MAPK6: variants seen among roughly 807,000 people sequenced by gnomAD.
The protein encoded by MAPK6 is ERK-3.
A neutral mutation model predicts 59.3 loss-of-function variants in MAPK6; 19 were observed. The observed-to-expected ratio is 0.32, with a 90% CI of 0.22 to 0.47. The LOEUF is 0.47. MAPK6 is among the 20% of genes least tolerant of loss of function. The pLI, the probability that MAPK6 is intolerant of heterozygous loss-of-function variation, is 1.00. For synonymous variants in MAPK6, 316 were observed against 290.3 expected (o/e 1.09, Z -0.90); for missense variants, 724 against 847.9 (o/e 0.85, Z 1.81).
intron 1 of MAPK6, among the ~76,000 whole-genome samples, chr15:52,030,737 C>G (rs941889865): frequency 1.4e-5 from 2 of 145,722 alleles, no homozygotes; most frequent in Admixed American, 7.3e-5. Flanking sequence ...AGGGATTCTC[C>G]TGCCTCAGCC....
chr15:52,013,011 AAAAAAAAAAATATATATATATATATATAT>A (rs1257125761), intron 3 of MAPK6, among the ~76,000 whole-genome samples: 2 of 29,382 alleles, frequency 6.8e-5, no homozygotes, highest in African/African-American at 2.8e-4. Flanking sequence ...AAAAAAAAAA[AAAAAAAAAAATATATATATATATATATAT>A]ATATATATAT....
rs146649911 is a variant in MAPK6 at position 52,009,800 on chromosome 15, T to G, written c.-632+5398T>G. ...TTTTTTTTCTTTTTTTGAGACAGAG[T>G]CTTGCTCTGTCGCCCAGGCTAGAGT... On this transcript the variant is annotated intron_variant, in intron 3 of 7. Coordinates refer to the MAPK6 transcript ENST00000691380. Among the ~76,000 whole-genome samples, 423 of 152,086 alleles carry G rather than the reference T, an allele frequency of 2.8e-3. 2 individuals carry two copies. The highest frequency in any genetic ancestry group is 9.8e-3 in the African/African-American group (406 of 41,496).
In MAPK6 at chr15:52,063,948, A is replaced by G; in HGVS notation, c.1114A>G (p.Asn372Asp). The G allele has an allele frequency of 6.3e-7, 1 of 1,599,894 alleles. No individual in the cohort carries two copies. The highest frequency in any genetic ancestry group is 8.5e-7 in the Non-Finnish European group (1 of 1,173,292). ...FSEHDWPVHNNFDIDEVQLDP... is the reference protein window; with the variant it reads ...FSEHDWPVHNDFDIDEVQLDP... ...AGAGCATGATTGGCCTGTACATAACAACTTTGATATTGATGAAGTTCAGCT... is the reference window on the plus strand; with the variant it reads ...AGAGCATGATTGGCCTGTACATAACGACTTTGATATTGATGAAGTTCAGCT... The change falls in exon 6 of 6, where the codon AAC (asparagine) becomes GAC (aspartate). Residue 372 changes from asparagine to aspartate, a missense_variant. This residue lies in a region of MAPK6 where 502 missense variants were observed against 507.6 expected (regional missense o/e 0.99). Transcript: ENST00000261845.
chr15:51,976,800 G>A (rs573205141), intron 1 of MAPK6, among the ~76,000 whole-genome samples: 55 of 151,448 alleles, frequency 3.6e-4, no homozygotes, highest in Non-Finnish European at 5.0e-4. Flanking sequence ...AAAATTAGCC[G>A]GGCTTGGCGG....
At chr15:51,997,841 G>A (rs540015528) in intron 2 of MAPK6, among the ~76,000 whole-genome samples, 124 of 151,684 alleles carry the variant, frequency 8.2e-4, no homozygotes, top group Non-Finnish European at 1.5e-3. Flanking sequence ...ATCCACCCAC[G>A]TCAGCCTCCC....
intron 3 of MAPK6, among the ~76,000 whole-genome samples, chr15:52,010,749 C>T (rs563023307): frequency 2.0e-5 from 3 of 152,228 alleles, no homozygotes; most frequent in African/African-American, 7.2e-5. Flanking sequence ...AAACTCCTGA[C>T]CTCAAGTGAT....
chr15:52,018,855 A>G (rs1351498940), upstream of MAPK6: 1 of 152,516 alleles, frequency 6.6e-6, no homozygotes, highest in Non-Finnish European at 1.5e-5. Context: ...CAGCCAATCC[A>G]TCTTAAGGTC....
Position 52,046,938 on chromosome 15 carries a change from A to T in MAPK6, c.478A>T (p.Ile160Phe). The change falls in exon 2 of 6, where the codon ATT (isoleucine) becomes TTT (phenylalanine). Residue 160 changes from isoleucine (I) to phenylalanine (F), a missense_variant. This residue lies in a region of MAPK6 where 105 missense variants were observed against 191.9 expected (regional missense o/e 0.55). Transcript: ENST00000261845. ...HRDLKPANLFINTEDLVLKIG... is the reference protein window; with the variant it reads ...HRDLKPANLFFNTEDLVLKIG... Reference sequence around the variant, plus strand: ...AGATCTCAAACCAGCTAATCTTTTCATTAATACGGAAGACTTGGTGCTGAA... The same window carrying T: ...AGATCTCAAACCAGCTAATCTTTTCTTTAATACGGAAGACTTGGTGCTGAA... 2.5e-6 allele frequency: 4 copies of T among 1,613,368 alleles called. No individual in the cohort carries two copies. Among genetic ancestry groups the T allele is most frequent in the Non-Finnish European group, 2.5e-6 (3 of 1,179,682 alleles).
At chr15:51,990,686 C>G (rs989377758) in intron 2 of MAPK6, among the ~76,000 whole-genome samples, 1 of 152,170 alleles carries the variant, frequency 6.6e-6, no homozygotes. Context: ...CGCAGTGGCT[C>G]ACGCCTGTAA....
At position 52,013,010 on chromosome 15, in the gene MAPK6, AAAAAAAAAAAATATATATATATATAT is replaced by A. The variant is rs1566898778; in HGVS notation, c.-632+8610_-632+8635del. Among the ~76,000 whole-genome samples, 5 of 21,126 alleles carry A rather than the reference AAAAAAAAAAAATATATATATATATAT, an allele frequency of 2.4e-4. No individual in the cohort carries two copies. The South Asian group carries it at 4.1e-3, about 17-fold the overall frequency. The allele number at this position is 21,126 out of a possible 152,430, so 13.9% of individuals were successfully genotyped here. A position where few individuals can be genotyped will look rare whatever the true frequency, so the allele number is the denominator to read the frequency against. ...TGGAAAAAAAAAAAAAAAAAAAAAA[AAAAAAAAAAAATATATATATATATAT>A]ATATATATATATATATATATATATT... On this transcript the variant is annotated intron_variant, in intron 3 of 7. Transcript: ENST00000691380.
At chr15:52,053,867 G>C (rs1037217856) in intron 3 of MAPK6, among the ~76,000 whole-genome samples, 7 of 151,530 alleles carry the variant, frequency 4.6e-5, no homozygotes, top group Non-Finnish European at 8.9e-5. Context: ...TCGAACTCCT[G>C]ACCTCATGAT....
intron 1 of MAPK6, among the ~76,000 whole-genome samples, chr15:52,026,794 G>T (rs1488116845): frequency 1.3e-5 from 2 of 151,468 alleles, no homozygotes; most frequent in Non-Finnish European, 2.9e-5. Flanking sequence ...GCTCATGCCT[G>T]TAATCTCAGC....
At chr15:52,010,497 G>A (rs576160912) in intron 3 of MAPK6, among the ~76,000 whole-genome samples, 49 of 145,292 alleles carry the variant, frequency 3.4e-4, no homozygotes, top group South Asian at 2.7e-3. Context: ...TTACAGGCAT[G>A]AGCCATTGCA....
intron 2 of MAPK6, among the ~76,000 whole-genome samples, chr15:52,000,233 C>G (rs958201154): frequency 2.6e-5 from 4 of 152,198 alleles, no homozygotes; most frequent in African/African-American, 4.8e-5. Context: ...GCCACTGTAC[C>G]TGGCCTCGTT....
chr15:52,066,565 AC>A lies in MAPK6; in HGVS notation c.*1567del, dbSNP rs1311548951. On this transcript the variant is annotated 3_prime_UTR_variant, in exon 6 of 6. Coordinates refer to ENST00000261845, the MANE Select transcript of MAPK6 (RefSeq NM_002748.4). ...ATCCAGCTACAAAACCATCCTCTTC[AC>A]CTCACTTTTCTTTCATCCTTGTTTT... is the stretch of plus-strand genomic sequence containing the variant. 3 of 151,610 alleles carry A rather than the reference AC, an allele frequency of 2.0e-5. No individual in the cohort carries two copies. The East Asian group carries it at 5.8e-4, about 29-fold the overall frequency. The allele number at this position is 151,610 out of a possible 1,614,324, so 9.4% of individuals were successfully genotyped here. A position where few individuals can be genotyped will look rare whatever the true frequency, so the allele number is the denominator to read the frequency against.
At chr15:52,041,767 G>A (rs2031425524) in intron 1 of MAPK6, among the ~76,000 whole-genome samples, 1 of 152,172 alleles carries the variant, frequency 6.6e-6, no homozygotes, top group African/African-American at 2.4e-5. Context: ...AGAGGCCTCT[G>A]CCTTTTTTAT....
chr15:52,013,043 ATATATATATATATAT>A, intron 3 of MAPK6, among the ~76,000 whole-genome samples: 1 of 117,246 alleles, frequency 8.5e-6, no homozygotes, highest in Non-Finnish European at 1.7e-5. Context: ...ATATATATAT[ATATATATATATATAT>A]ATTACACAAG....
chr15:51,982,923 C>T (rs901604610), intron 1 of MAPK6, among the ~76,000 whole-genome samples: 8 of 152,184 alleles, frequency 5.3e-5, no homozygotes, highest in Non-Finnish European at 1.0e-4. Flanking sequence ...GAGGAAATGA[C>T]AGGCAGGATT....
intron 2 of MAPK6, among the ~76,000 whole-genome samples, chr15:51,984,983 T>TA (rs2057186329): frequency 1.3e-5 from 2 of 152,322 alleles, no homozygotes; most frequent in South Asian, 4.1e-4. Flanking sequence ...ACAAGAAGAA[T>TA]AAAAATATTA....
Sources: gnomAD v4.1 joint callset for allele counts (sites outside exome capture counted in the v4.1 genomes callset) on GRCh38, gnomAD v4.1.1 for gene constraint, gnomAD v4.1.1 regional missense constraint, MANE v1.5 for transcripts, NCBI Gene and HGNC (gene_info 2026-07-23, HGNC 2026-07-21) for gene names.